Variants in EXOC2 observed in about 807,000 individuals in gnomAD.
The protein encoded by EXOC2 is SEC5-like 1.
EXOC2 carries 70 observed loss-of-function variants against 131.8 expected under a neutral mutation model. The ratio of observed to expected loss-of-function variants is 0.53; its 90% CI spans 0.44 to 0.65. EXOC2 has a LOEUF of 0.65. Among genes scored for constraint, EXOC2 ranks in the 30% least tolerant of loss-of-function variants. EXOC2 has a pLI of 0.00. For synonymous variants in EXOC2, 411 were observed against 398.4 expected (o/e 1.03, Z -0.38); for missense variants, 923 against 1,108.6 (o/e 0.83, Z 2.38).
chr6:533,244 C>T (rs1766210522), intron 22 of EXOC2, among the ~76,000 whole-genome samples: 1 of 152,152 alleles, frequency 6.6e-6, no homozygotes, highest in African/African-American at 2.4e-5. Context: ...ACTAACCACT[C>T]ATTTCTGTAC....
chr6:608,687 C>T (rs1760557492), intron 7 of EXOC2, among the ~76,000 whole-genome samples: 1 of 152,176 alleles, frequency 6.6e-6, no homozygotes, highest in African/African-American at 2.4e-5. Flanking sequence ...TATGGTAAGC[C>T]TAACACATGA....
At chr6:601,244 A>G (rs1766844) in intron 7 of EXOC2, among the ~76,000 whole-genome samples, 75,099 of 93,104 alleles carry the variant, frequency 0.81, 31,213 homozygotes, top group Middle Eastern at 0.91. Context: ...CACCCCGTGT[A>G]CGAATCCACA....
At chr6:501,103 T>C (rs1420630611) in intron 23 of EXOC2, among the ~76,000 whole-genome samples, 1 of 88,646 alleles carries the variant, frequency 1.1e-5, no homozygotes, top group Non-Finnish European at 2.1e-5. Context: ...TCAAAAGATA[T>C]ATATATTATA....
chr6:501,107 T>TATTA (rs1470046358), intron 23 of EXOC2, among the ~76,000 whole-genome samples: 1 of 87,486 alleles, frequency 1.1e-5, no homozygotes, highest in Non-Finnish European at 2.2e-5. Context: ...AAGATATATA[T>TATTA]ATTATATATA....
intron 3 of EXOC2, among the ~76,000 whole-genome samples, chr6:630,597 GT>G (rs1761796983): frequency 6.6e-6 from 1 of 152,176 alleles, no homozygotes; most frequent in African/African-American, 2.4e-5. Flanking sequence ...AAAACCAAAT[GT>G]TTTTTAAATG....
chr6:563,208 G>T (rs1238279819), intron 16 of EXOC2, among the ~76,000 whole-genome samples: 2 of 152,180 alleles, frequency 1.3e-5, no homozygotes, highest in African/African-American at 4.8e-5. Context: ...AATTTCTGAT[G>T]AGTAATTTGG....
At chr6:496,187 G>A (rs1341718742) in intron 25 of EXOC2, among the ~76,000 whole-genome samples, 1 of 152,042 alleles carries the variant, frequency 6.6e-6, no homozygotes, top group Non-Finnish European at 1.5e-5. Flanking sequence ...TCATCTTAAG[G>A]GTGGCTTCAG....
In EXOC2 at chr6:544,511, T is replaced by C. The variant is rs575386934; in HGVS notation, c.2238+4664A>G. Among the ~76,000 whole-genome samples, 34 of 152,348 alleles carry C rather than the reference T, an allele frequency of 2.2e-4. 1 individual carries two copies. The highest frequency in any genetic ancestry group is 7.9e-4 in the African/African-American group (33 of 41,592). On this transcript the variant is annotated intron_variant, in intron 22 of 27. Transcript: ENST00000230449. ...CTGAAACAGATTAAGTTACAACTTA[T>C]TTATTATATAAAATAGCCTGTAAAC...
At chr6:534,522 T>A (rs889950655) in intron 22 of EXOC2, among the ~76,000 whole-genome samples, 4 of 152,168 alleles carry the variant, frequency 2.6e-5, no homozygotes, top group African/African-American at 9.7e-5. Context: ...AAGAAAGAAC[T>A]GGTCTGACGT....
chr6:655,984 TCAA>T, intron 1 of EXOC2: 1 of 700,232 alleles, frequency 1.4e-6, no homozygotes, highest in Non-Finnish European at 2.4e-6. Flanking sequence ...GAGGAAGGGC[TCAA>T]CAAAATATAC....
intron 13 of EXOC2, among the ~76,000 whole-genome samples, chr6:568,605 C>T (rs926202014): frequency 2.0e-5 from 3 of 152,130 alleles, no homozygotes; most frequent in Admixed American, 6.5e-5. Flanking sequence ...CACCCTGATT[C>T]GTGGACGCTT....
At chr6:645,659 T>C (rs1762547683) in intron 1 of EXOC2, among the ~76,000 whole-genome samples, 1 of 152,196 alleles carries the variant, frequency 6.6e-6, no homozygotes, top group African/African-American at 2.4e-5. Context: ...CAGTTTTTAA[T>C]ATGGTATGTG....
In EXOC2 at chr6:615,952, A is replaced by AAT. The variant is rs776692367; in HGVS notation, c.661+1757_661+1758dup. On this transcript the variant is annotated intron_variant, in intron 6 of 27. Transcript: ENST00000230449. ...TATTGCCAATTTGGTTAACTATGAT[A>AAT]ATATCATTGTGATTATGCACATAAA... Among the ~76,000 whole-genome samples the AAT allele has an allele frequency of 1.1e-4, 17 of 152,250 alleles. No individual in the cohort carries two copies. The East Asian group carries it at 1.2e-3, about 10-fold the overall frequency.
At chr6:659,909 G>A (rs1763335953) in intron 1 of EXOC2, among the ~76,000 whole-genome samples, 1 of 151,966 alleles carries the variant, frequency 6.6e-6, no homozygotes, top group African/African-American at 2.4e-5. Flanking sequence ...TCCACAGGCG[G>A]GGACAGAACC....
chr6:691,988 G>C (rs1263738361), intron 1 of EXOC2, among the ~76,000 whole-genome samples: 1 of 152,158 alleles, frequency 6.6e-6, no homozygotes, highest in Non-Finnish European at 1.5e-5. Flanking sequence ...GCTTTCAGTT[G>C]ATTTGTCATT....
chr6:500,451 T>A (rs1763980377), intron 23 of EXOC2, among the ~76,000 whole-genome samples: 1 of 152,224 alleles, frequency 6.6e-6, no homozygotes, highest in African/African-American at 2.4e-5. Flanking sequence ...CGACAGCTGC[T>A]AGTTGTGACT....
At chr6:656,202 G>A (rs766134842) in intron 1 of EXOC2, 3 of 1,614,040 alleles carry the variant, frequency 1.9e-6, no homozygotes, top group Admixed American at 3.3e-5. Flanking sequence ...CAGGGCCGTC[G>A]TAGGATGTAT....
chr6:542,107 T>C (rs1213474801), intron 22 of EXOC2, among the ~76,000 whole-genome samples: 1 of 152,118 alleles, frequency 6.6e-6, no homozygotes, highest in Non-Finnish European at 1.5e-5. Context: ...AATTCAGAAG[T>C]AGTTCTCTAT....
At position 555,242 on chromosome 6, in the gene EXOC2, T is replaced by C; in HGVS notation, c.2039A>G (p.Asp680Gly). The C allele has an allele frequency of 6.6e-7, 1 of 1,521,110 alleles. No individual in the cohort carries two copies. The highest frequency in any genetic ancestry group is 1.4e-5 in the South Asian group (1 of 72,286). 94.2% of individuals were successfully genotyped at this position (1,521,110 alleles called of 1,614,324 possible). A position where few individuals can be genotyped will look rare whatever the true frequency, so the allele number is the denominator to read the frequency against. ...LEQLSTKPDA[D>G]IDTTHLSVDV... ...TTTTACTTACTGTGTAGTATCTATA[T>C]CTGCATCAGGCTTGGTGCTCAACTG... is the stretch of plus-strand genomic sequence containing the variant. Residue 680 changes from aspartate to glycine, a missense_variant, in exon 20 of 28, where the codon GAT becomes GGT. Coordinates refer to ENST00000230449, the MANE Select transcript of EXOC2 (RefSeq NM_018303.6).
Sources: allele counts gnomAD v4.1 joint callset (sites outside exome capture counted in the v4.1 genomes callset), GRCh38; gene constraint gnomAD v4.1.1; transcripts MANE v1.5; gene names NCBI Gene and HGNC (gene_info 2026-07-23, HGNC 2026-07-21).